The following GPR158 variants were observed in gnomAD, a reference collection of about 807,000 sequenced individuals.
GPR158 encodes metabotropic glycine receptor.
GPR158 carries 30 observed loss-of-function variants against 78.2 expected under a neutral mutation model. The ratio of observed to expected loss-of-function variants is 0.38; its 90% CI spans 0.29 to 0.52. The LOEUF (loss-of-function observed/expected upper bound fraction) is 0.52. GPR158 is among the 20% of genes least tolerant of loss of function. GPR158 has a pLI of 0.83. For missense variants in GPR158, 1,463 were observed against 1,523.5 expected, an observed-to-expected ratio of 0.96 and a Z score of 0.66; for synonymous variants, 581 against 591.1, an observed-to-expected ratio of 0.98 and a Z score of 0.25.
At chr10:25,577,420 A>G (rs1449589657) in intron 7 of GPR158, among the ~76,000 whole-genome samples, 1 of 145,752 alleles carries the variant, frequency 6.9e-6, no homozygotes, top group Non-Finnish European at 1.6e-5. Context: ...TAGTGTCAAG[A>G]GTTCGTTCAG....
At chr10:25,355,575 G>C (rs575899479) in intron 2 of GPR158, among the ~76,000 whole-genome samples, 3 of 152,046 alleles carry the variant, frequency 2.0e-5, no homozygotes, top group African/African-American at 7.2e-5. Flanking sequence ...GTTTCTTGTG[G>C]ATGTACGTCT....
chr10:25,342,700 A>G (rs1410901966), intron 2 of GPR158, among the ~76,000 whole-genome samples: 1 of 151,868 alleles, frequency 6.6e-6, no homozygotes, highest in East Asian at 1.9e-4. Flanking sequence ...GATGGTATAT[A>G]GGAACAGAGA....
chr10:25,444,519 GTA>G lies in GPR158; in HGVS notation c.1336-22130_1336-22129del, dbSNP rs1475257334. 4.0e-5 allele frequency among the ~76,000 whole-genome samples: 6 copies of G among 151,190 alleles called. No individual in the cohort carries two copies. The East Asian group carries it at 1.2e-3, about 29-fold the overall frequency. ...AATGTGGGCGCATGTATGCGTGTGGGTATGTGTGTGGAAGTGTGTGTGTGGTG... is the reference window on the plus strand; with the variant it reads ...AATGTGGGCGCATGTATGCGTGTGGGTGTGTGTGGAAGTGTGTGTGTGGTG... On this transcript the variant is annotated intron_variant, in intron 4 of 10. Transcript: ENST00000376351.
chr10:25,222,337 C>G (rs1483799210), intron 2 of GPR158, among the ~76,000 whole-genome samples: 1 of 147,046 alleles, frequency 6.8e-6, no homozygotes, highest in East Asian at 2.0e-4. Flanking sequence ...GTAAGAAGCC[C>G]CCGTAATGCT....
chr10:25,507,535 T>C (rs1026505889), intron 5 of GPR158, among the ~76,000 whole-genome samples: 1 of 152,190 alleles, frequency 6.6e-6, no homozygotes, highest in African/African-American at 2.4e-5. Context: ...GCTGCACAGA[T>C]TCTACCAGCA....
intron 2 of GPR158, among the ~76,000 whole-genome samples, chr10:25,308,421 G>A (rs1328803268): frequency 6.6e-6 from 1 of 151,990 alleles, no homozygotes; most frequent in African/African-American, 2.4e-5. Context: ...TCCTGTGTTA[G>A]TTTGCTAAGG....
chr10:25,428,367 A>G (rs535688983), intron 4 of GPR158, among the ~76,000 whole-genome samples: 1 of 152,170 alleles, frequency 6.6e-6, no homozygotes, highest in East Asian at 1.9e-4. Context: ...TGACTCTTTG[A>G]ATCTAGTAGA....
In GPR158 at chr10:25,519,673, C is replaced by A. The variant is rs1389840335; in HGVS notation, c.1405-31303C>A. 3.6e-5 allele frequency among the ~76,000 whole-genome samples: 5 copies of A among 139,742 alleles called. 1 individual carries two copies. Among genetic ancestry groups the A allele is most frequent in the African/African-American group, 6.2e-5 (2 of 32,220 alleles). The allele number at this position is 139,742 out of a possible 152,430, so 91.7% of individuals were successfully genotyped here. On this transcript the variant is annotated intron_variant, in intron 5 of 10. Transcript: ENST00000376351. ...GATATGAAATTCTGGGTTGAAAATT[C>A]TTTTCTTTAAGAATGTTGAATATTG...
At chr10:25,457,424 C>CT (rs1234129316) in intron 4 of GPR158, among the ~76,000 whole-genome samples, 5 of 151,320 alleles carry the variant, frequency 3.3e-5, no homozygotes, top group Non-Finnish European at 7.4e-5. Context: ...ATATTTTTGA[C>CT]TGTATGACTT....
chr10:25,515,753 T>C (rs1158162479), intron 5 of GPR158, among the ~76,000 whole-genome samples: 5 of 147,480 alleles, frequency 3.4e-5, no homozygotes, highest in Non-Finnish European at 7.5e-5. Context: ...CCACATTTTC[T>C]TAATCCAGTC....
intron 2 of GPR158, among the ~76,000 whole-genome samples, chr10:25,316,248 G>T (rs192433370): frequency 2.6e-5 from 4 of 152,056 alleles, no homozygotes; most frequent in African/African-American, 9.7e-5. Context: ...TATCTGGTAG[G>T]CTCTCCCTAT....
chr10:25,283,020 A>G (rs1345526176), intron 2 of GPR158, among the ~76,000 whole-genome samples: 2 of 152,084 alleles, frequency 1.3e-5, no homozygotes, highest in East Asian at 3.8e-4. Context: ...TGCTGACCTC[A>G]TAAAATGACT....
intron 2 of GPR158, among the ~76,000 whole-genome samples, chr10:25,292,299 T>G (rs1854450537): frequency 6.6e-6 from 1 of 152,158 alleles, no homozygotes; most frequent in African/African-American, 2.4e-5. Flanking sequence ...TTTTCTATAA[T>G]GCATTTTAAA....
rs527993690 is a variant in GPR158 at position 25,566,804 on chromosome 10, CTTTA to C, written c.1515-5844_1515-5841del. 2.8e-3 allele frequency among the ~76,000 whole-genome samples: 264 copies of C among 93,034 alleles called. 12 individuals carry two copies. The South Asian group carries it at 0.081, about 29-fold the overall frequency. The allele number at this position is 93,034 out of a possible 152,430, so 61.0% of individuals were successfully genotyped here. ...AATTCATCCACTGACCAAGAAGTAA[CTTTA>C]CTTTACTTCTGAAAATGAAACTTTG... On this transcript the variant is annotated intron_variant, in intron 6 of 10. Coordinates refer to ENST00000376351, the MANE Select transcript of GPR158 (RefSeq NM_020752.3).
chr10:25,509,089 C>T (rs749186686), intron 5 of GPR158, among the ~76,000 whole-genome samples: 5 of 152,102 alleles, frequency 3.3e-5, no homozygotes, highest in Non-Finnish European at 5.9e-5. Context: ...GGTAGGCTGT[C>T]CTGTGCATGG....
intron 5 of GPR158, among the ~76,000 whole-genome samples, chr10:25,542,213 G>C (rs1474756583): frequency 6.6e-6 from 1 of 152,058 alleles, no homozygotes; most frequent in Non-Finnish European, 1.5e-5. Context: ...TGTCAAAGTG[G>C]TTAAATTCAC....
intron 1 of GPR158, among the ~76,000 whole-genome samples, chr10:25,192,466 G>A (rs144007273): frequency 2.8e-4 from 42 of 152,140 alleles, no homozygotes; most frequent in Non-Finnish European, 4.4e-4. Context: ...TCTAGGAGGA[G>A]GGGTTTTGGG....
At chr10:25,473,126 C>T (rs1013001883) in intron 5 of GPR158, among the ~76,000 whole-genome samples, 45 of 151,890 alleles carry the variant, frequency 3.0e-4, no homozygotes, top group Non-Finnish European at 5.2e-4. Flanking sequence ...TGAGATACGT[C>T]CCATCAATAC....
chr10:25,395,956 T>C lies in GPR158; in HGVS notation c.1054T>C (p.Cys352Arg). The C allele has an allele frequency of 6.2e-7, 1 of 1,610,320 alleles. No individual in the cohort carries two copies. Among genetic ancestry groups the C allele is most frequent in the African/African-American group, 1.3e-5 (1 of 74,970 alleles). ...GLGFVLGAYE[C>R]ICKAGFYHPG... ...AGGATTCGTTCTTGGAGCCTATGAG[T>C]GCATTTGCAAAGCAGGATTCTATCA... The change falls in exon 3 of 11, where the codon TGC becomes CGC. Residue 352 changes from cysteine (C) to arginine (R), a missense_variant. Transcript: ENST00000376351.
Sources: gnomAD v4.1 joint callset for allele counts (sites outside exome capture counted in the v4.1 genomes callset) on GRCh38, gnomAD v4.1.1 for gene constraint, MANE v1.5 for transcripts, NCBI Gene and HGNC (gene_info 2026-07-23, HGNC 2026-07-21) for gene names.